The following PRDM11 variants were observed in gnomAD, a reference collection of about 807,000 sequenced individuals.
The protein encoded by PRDM11 is PR/SET domain 11.
Under a neutral mutation model 97.8 loss-of-function variants are expected in PRDM11, and 20 were observed. The observed-to-expected ratio is 0.20, with a 90% confidence interval of 0.14 to 0.30. The LOEUF is 0.30. Among genes scored for constraint, PRDM11 ranks in the 10% least tolerant of loss-of-function variants. The pLI is 1.00. For synonymous variants in PRDM11, 599 were observed against 637.7 expected, an observed-to-expected ratio of 0.94 and a Z score of 0.91; for missense variants, 1,139 against 1,555.2, an observed-to-expected ratio of 0.73 and a Z score of 4.50.
intron 1 of PRDM11, among the ~76,000 whole-genome samples, chr11:45,099,191 G>A (rs1028448607): frequency 1.3e-5 from 2 of 151,654 alleles, no homozygotes; most frequent in Non-Finnish European, 2.9e-5. Flanking sequence ...GGTGGCTCAC[G>A]CCTGTAATCC....
chr11:45,222,034 T>C (rs537797317), intron 6 of PRDM11, among the ~76,000 whole-genome samples: 1 of 152,340 alleles, frequency 6.6e-6, no homozygotes, highest in South Asian at 2.1e-4. Context: ...TTAGTTCTTA[T>C]TAAGTAGGGA....
At position 45,228,265 on chromosome 11, in the gene PRDM11, T is replaced by TTATATTATATATATATA. The variant is rs1554976394; in HGVS notation, c.*111_*112insTATATATATATATATAT. 1 of 107,260 alleles carries TTATATTATATATATATA rather than the reference T, an allele frequency of 9.3e-6. No homozygotes were observed. Among genetic ancestry groups the TTATATTATATATATATA allele is most frequent in the East Asian group, 1.5e-4 (1 of 6,840 alleles). The allele number at this position is 107,260 out of a possible 1,614,324, so 6.6% of individuals were successfully genotyped here. A position where few individuals can be genotyped will look rare whatever the true frequency, so the allele number is the denominator to read the frequency against. On this transcript the variant is annotated 3_prime_UTR_variant, in exon 8 of 8. Transcript: ENST00000683152. Reference sequence around the variant, plus strand: ...ATATATTATATTATATTATATTATATTATATATATATATATATATAAACTC... The same window carrying TTATATTATATATATATA: ...ATATATTATATTATATTATATTATATTATATTATATATATATATATATATATATATATATATAAACTC...
intron 1 of PRDM11, among the ~76,000 whole-genome samples, chr11:45,168,287 C>A (rs996253920): frequency 6.6e-6 from 1 of 152,202 alleles, no homozygotes; most frequent in Non-Finnish European, 1.5e-5. Flanking sequence ...CATCTACAAG[C>A]CTTCTCCTCT....
At position 45,219,072 on chromosome 11, in the gene PRDM11, A is replaced by G. The variant is rs1160747021; in HGVS notation, c.555-498A>G. 6.6e-6 allele frequency among the ~76,000 whole-genome samples: 1 copy of G among 152,106 alleles called. No individual in the cohort carries two copies. Among genetic ancestry groups the G allele is most frequent in the Non-Finnish European group, 1.5e-5 (1 of 68,016 alleles). ...TTTTTAAAAGATTTTGATCTTTAGC[A>G]TTTATTAATTGATCTCTTGGACACC... On this transcript the variant is annotated intron_variant, in intron 5 of 7. Transcript: ENST00000683152. This position sits in a 1 kb window ranked among gnomAD's most constrained non-coding sequence, Gnocchi z 4.2.
intron 1 of PRDM11, among the ~76,000 whole-genome samples, chr11:45,137,023 T>G (rs954962165): frequency 6.9e-6 from 1 of 145,498 alleles, no homozygotes; most frequent in Non-Finnish European, 1.5e-5. Context: ...ATTAGCTGGG[T>G]GTGGTGGCAG....
At chr11:45,130,573 C>T (rs564792799) in intron 1 of PRDM11, among the ~76,000 whole-genome samples, 2 of 152,214 alleles carry the variant, frequency 1.3e-5, no homozygotes, top group East Asian at 1.9e-4. Flanking sequence ...TTGGCAAGAA[C>T]GTGGCACACC....
At chr11:45,183,219 CT>C in intron 4 of PRDM11, 96 bp downstream of exon 4, 1 of 1,428,136 alleles carries the variant, frequency 7.0e-7, no homozygotes, top group Non-Finnish European at 9.4e-7. Flanking sequence ...GGCCCCAGAA[CT>C]TTTCTACCAT....
At chr11:45,141,775 C>A (rs533006877), upstream of PRDM11, among the ~76,000 whole-genome samples, 1 of 152,330 alleles carries the variant, frequency 6.6e-6, no homozygotes, top group South Asian at 2.1e-4. Context: ...AAAGGACTGT[C>A]CATGATCCAT....
intron 6 of PRDM11, among the ~76,000 whole-genome samples, chr11:45,222,243 T>G (rs1003811435): frequency 6.6e-6 from 1 of 152,234 alleles, no homozygotes; most frequent in South Asian, 2.1e-4. Context: ...AATTTCATGA[T>G]GCTTAAAGGT....
chr11:45,104,988 C>A (rs1263439794), intron 1 of PRDM11, among the ~76,000 whole-genome samples: 2 of 152,316 alleles, frequency 1.3e-5, no homozygotes, highest in South Asian at 4.1e-4. Context: ...TCTGCTTGGG[C>A]AGCTATAACA....
chr11:45,112,016 C>A (rs1036577023), intron 1 of PRDM11, among the ~76,000 whole-genome samples: 1 of 152,070 alleles, frequency 6.6e-6, no homozygotes, highest in Admixed American at 6.6e-5. Flanking sequence ...ACTTCTTTAG[C>A]AGTGATTTCT....
At chr11:45,122,186 GACAGACACACAC>G (rs1338710716) in intron 1 of PRDM11, among the ~76,000 whole-genome samples, 1 of 127,498 alleles carries the variant, frequency 7.8e-6, no homozygotes, top group Admixed American at 7.8e-5. Flanking sequence ...GAGAGACACA[GACAGACACACAC>G]ACAGACACAC....
intron 4 of PRDM11, among the ~76,000 whole-genome samples, chr11:45,187,564 G>A (rs1015861499): frequency 5.3e-5 from 8 of 152,188 alleles, no homozygotes; most frequent in Non-Finnish European, 1.0e-4. Flanking sequence ...ACGAGTAGGC[G>A]TGGCCCCAGT....
rs760077887 is a variant in PRDM11 at position 45,183,157 on chromosome 11, T to G, written c.486+34T>G. 5.1e-6 allele frequency: 8 copies of G among 1,584,142 alleles called. No individual in the cohort carries two copies. In the African/African-American group the frequency reaches 8.1e-5, roughly 16 times the overall value. ...GCCCTGGGCTATTCATGGGAGAGGT[T>G]GCCAAGAAACATGGAAGGAAACCAC... On this transcript the variant is annotated intron_variant, in intron 4 of 7. Transcript: ENST00000683152.
At chr11:45,165,159 C>T (rs1852029577) in intron 1 of PRDM11, among the ~76,000 whole-genome samples, 1 of 152,148 alleles carries the variant, frequency 6.6e-6, no homozygotes, top group Non-Finnish European at 1.5e-5. Context: ...AGCCCATGTT[C>T]CCAGCTTCTT....
At chr11:45,179,891 G>T (rs1186694296) in intron 1 of PRDM11, among the ~76,000 whole-genome samples, 1 of 152,224 alleles carries the variant, frequency 6.6e-6, no homozygotes, top group East Asian at 1.9e-4. Flanking sequence ...TATGGTGGGG[G>T]GTACTGCCCA....
chr11:45,167,068 G>A (rs1458236744), intron 1 of PRDM11, among the ~76,000 whole-genome samples: 1 of 152,156 alleles, frequency 6.6e-6, no homozygotes, highest in Non-Finnish European at 1.5e-5. Context: ...ATCAAATGTA[G>A]GAAGGGGGTA....
intron 7 of PRDM11, 177 bp downstream of exon 7, chr11:45,225,020 G>A (rs1161139332): frequency 2.1e-5 from 31 of 1,459,038 alleles, no homozygotes; most frequent in African/African-American, 7.1e-5. Flanking sequence ...CAGACCCATC[G>A]GCAGCTCTGC....
rs998845277 is a variant in PRDM11 at position 45,136,914 on chromosome 11, G to A, written c.96+41013G>A. On this transcript the variant is annotated intron_variant, in intron 1 of 6. Coordinates refer to the PRDM11 transcript ENST00000530656. ...TCCCAGCACTTTGGGAGGCCGAGGC[G>A]GGTGGATCACTTGAGGTCAGGAGTT... 4.6e-5 allele frequency among the ~76,000 whole-genome samples: 7 copies of A among 151,536 alleles called. No homozygotes were observed. In the South Asian group the frequency reaches 8.4e-4, roughly 18 times the overall value.
Sources: gnomAD v4.1 joint callset for allele counts (sites outside exome capture counted in the v4.1 genomes callset) on GRCh38, gnomAD v4.1.1 for gene constraint, Gnocchi (gnomAD v3.1) non-coding constraint, MANE v1.5 for transcripts, NCBI Gene and HGNC (gene_info 2026-07-23, HGNC 2026-07-21) for gene names.